TNRC6B: variants seen among roughly 807,000 people sequenced by gnomAD.
The protein encoded by TNRC6B is trinucleotide repeat-containing gene 6B protein.
A neutral mutation model predicts 203.6 loss-of-function variants in TNRC6B; 52 were observed. The observed-to-expected ratio is 0.26, with a 90% CI of 0.20 to 0.32. TNRC6B has a LOEUF of 0.32. Among genes scored for constraint, TNRC6B ranks in the 10% least tolerant of loss-of-function variants. The probability of loss-of-function intolerance (pLI) is 1.00; values close to 1 mark genes in which losing one functional copy is unlikely to be tolerated. For synonymous variants in TNRC6B, 838 were observed against 845.7 expected (o/e 0.99, Z 0.16); for missense variants, 1,923 against 2,286.2 (o/e 0.84, Z 3.24).
At chr22:40,130,542 G>T (rs1260492786) in intron 3 of TNRC6B, among the ~76,000 whole-genome samples, 2 of 151,766 alleles carry the variant, frequency 1.3e-5, no homozygotes, top group African/African-American at 4.8e-5. Flanking sequence ...AGCACTTTGG[G>T]AGGCCGAGGC....
At chr22:40,206,827 G>T (rs958905243) in intron 1 of TNRC6B, among the ~76,000 whole-genome samples, 6 of 152,174 alleles carry the variant, frequency 3.9e-5, no homozygotes, top group South Asian at 2.1e-4. Context: ...CTGCAGTTTA[G>T]TTGGGGAAAT....
At chr22:40,068,903 C>CAT (rs1173714453) in intron 1 of TNRC6B, among the ~76,000 whole-genome samples, 2 of 151,748 alleles carry the variant, frequency 1.3e-5, no homozygotes, top group African/African-American at 4.9e-5. Context: ...CTTTTAAATC[C>CAT]ATATATATGA....
chr22:40,209,300 G>A (rs562746054), intron 1 of TNRC6B, among the ~76,000 whole-genome samples: 3 of 152,248 alleles, frequency 2.0e-5, no homozygotes, highest in African/African-American at 7.2e-5. Flanking sequence ...TTAATGGATA[G>A]TAAGAACAAA....
intron 1 of TNRC6B, among the ~76,000 whole-genome samples, chr22:40,071,875 C>G (rs2067951721): frequency 6.6e-6 from 1 of 152,062 alleles, no homozygotes; most frequent in Non-Finnish European, 1.5e-5. Context: ...TTGTTTGTTT[C>G]GAGACCGGAT....
At chr22:40,119,690 T>G (rs1281422242) in intron 2 of TNRC6B, among the ~76,000 whole-genome samples, 1 of 152,260 alleles carries the variant, frequency 6.6e-6, no homozygotes, top group African/African-American at 2.4e-5. Context: ...GCATGACTTG[T>G]TCACCCCTCT....
chr22:40,053,841 A>G (rs2067770920), intron 1 of TNRC6B, among the ~76,000 whole-genome samples: 1 of 152,140 alleles, frequency 6.6e-6, no homozygotes, highest in Non-Finnish European at 1.5e-5. Flanking sequence ...TTTTAAAACT[A>G]CAGATGTGTT....
At chr22:40,215,701 C>G (rs1172479909) in intron 1 of TNRC6B, among the ~76,000 whole-genome samples, 1 of 152,182 alleles carries the variant, frequency 6.6e-6, no homozygotes, top group Non-Finnish European at 1.5e-5. Flanking sequence ...TTAGTGTTCT[C>G]TCTCTCCCCT....
At chr22:40,257,269 G>T (rs964932610) in intron 3 of TNRC6B, among the ~76,000 whole-genome samples, 3 of 152,186 alleles carry the variant, frequency 2.0e-5, no homozygotes, top group African/African-American at 7.2e-5. Flanking sequence ...TTCTTAAAGA[G>T]CACTTTTATC....
chr22:40,144,063 A>T (rs553063132), intron 3 of TNRC6B, among the ~76,000 whole-genome samples: 2 of 152,220 alleles, frequency 1.3e-5, no homozygotes, highest in South Asian at 4.1e-4. Context: ...AAAGACTAAT[A>T]ATACCAGGTG....
At chr22:40,270,051 C>T in intron 5 of TNRC6B, 71 bp from the exon 6 acceptor site, 1 of 1,487,604 alleles carries the variant, frequency 6.7e-7, no homozygotes, top group Non-Finnish European at 9.1e-7. Flanking sequence ...GTTCCTTCCA[C>T]CTTCACCCCA....
chr22:40,075,047 A>G (rs909765075), intron 1 of TNRC6B, among the ~76,000 whole-genome samples: 28 of 149,686 alleles, frequency 1.9e-4, no homozygotes, highest in African/African-American at 6.2e-4. Context: ...GAATAGTTCT[A>G]TGTGTACCTG....
At chr22:40,131,070 A>AT (rs1297495213) in intron 3 of TNRC6B, among the ~76,000 whole-genome samples, 3 of 151,370 alleles carry the variant, frequency 2.0e-5, no homozygotes, top group African/African-American at 4.9e-5. Context: ...CGCCCGGATA[A>AT]TTTTTTGCCC....
intron 1 of TNRC6B, among the ~76,000 whole-genome samples, chr22:40,244,478 T>C (rs1569035895): frequency 1.3e-5 from 2 of 152,022 alleles, no homozygotes; most frequent in Admixed American, 1.3e-4. Flanking sequence ...TTTTTTTTTT[T>C]CTATAAATAA....
chr22:40,276,129 C>T (rs2070640645), intron 7 of TNRC6B, among the ~76,000 whole-genome samples: 1 of 152,006 alleles, frequency 6.6e-6, no homozygotes, highest in Non-Finnish European at 1.5e-5. Flanking sequence ...AAGCGGATCA[C>T]GAGGTGAGGA....
rs139915 is a variant in TNRC6B at position 40,324,959 on chromosome 22, C to T, written c.*1718C>T. On this transcript the variant is annotated 3_prime_UTR_variant, in exon 23 of 23. Transcript: ENST00000454349. ...ATCACCAACATGTATGTACTTATGTCGGAATCAAAATGTATCAAACTGCTT... is the reference window on the plus strand; with the variant it reads ...ATCACCAACATGTATGTACTTATGTTGGAATCAAAATGTATCAAACTGCTT... 0.67 allele frequency: 101,830 copies of T among 152,100 alleles called. 35,930 individuals carry two copies. The highest frequency in any genetic ancestry group is 0.9 in the African/African-American group (37,385 of 41,420). The allele number at this position is 152,100 out of a possible 1,614,324, so 9.4% of individuals were successfully genotyped here.
chr22:40,255,881 C>T, intron 3 of TNRC6B, among the ~76,000 whole-genome samples: 1 of 152,112 alleles, frequency 6.6e-6, no homozygotes, highest in Non-Finnish European at 1.5e-5. Context: ...GAGACAGAGT[C>T]TTGCTCTGTT....
intron 17 of TNRC6B, among the ~76,000 whole-genome samples, 191 bp from the exon 18 acceptor site, chr22:40,312,314 T>C (rs1569065429): frequency 6.6e-6 from 1 of 152,224 alleles, no homozygotes; most frequent in African/African-American, 2.4e-5. Context: ...GACAGTGTGA[T>C]AAAACAAAGG....
chr22:40,133,316 T>C (rs867044980), intron 3 of TNRC6B, among the ~76,000 whole-genome samples: 30 of 152,180 alleles, frequency 2.0e-4, no homozygotes, highest in African/African-American at 7.0e-4. Context: ...TTATCAAAAA[T>C]GACATACTTT....
Position 40,278,060 on chromosome 22 carries a change from C to A in TNRC6B, c.3262+16C>A. 6.4e-7 allele frequency: 1 copy of A among 1,554,268 alleles called. No individual in the cohort carries two copies. The highest frequency in any genetic ancestry group is 8.7e-7 in the Non-Finnish European group (1 of 1,145,852). ...TTGTCTGTAGGTGTGTATCACTCCG[C>A]TGAAAAGAATGGAGTATATCAGTGT... On this transcript the variant is annotated intron_variant, in intron 9 of 22. Transcript: ENST00000454349.
Sources: gnomAD v4.1 joint callset for allele counts (sites outside exome capture counted in the v4.1 genomes callset) on GRCh38, gnomAD v4.1.1 for gene constraint, MANE v1.5 for transcripts, NCBI Gene and HGNC (gene_info 2026-07-23, HGNC 2026-07-21) for gene names.